The following PCCA variants were observed in gnomAD, a reference collection of about 807,000 sequenced individuals.
PCCA encodes propionyl-CoA carboxylase subunit alpha.
PCCA carries 74 observed loss-of-function variants against 101.3 expected under a neutral mutation model. The observed-to-expected ratio is 0.73, with a 90% CI of 0.61 to 0.89. The LOEUF (loss-of-function observed/expected upper bound fraction) is 0.89. Among genes scored for constraint, PCCA ranks in the 40% least tolerant of loss-of-function variants. The pLI is 0.00. For missense variants in PCCA, 891 were observed against 907.0 expected (o/e 0.98, Z 0.23); for synonymous variants, 294 against 313.6 (o/e 0.94, Z 0.66).
At position 100,146,857 on chromosome 13, in the gene PCCA, A is replaced by C. The variant is rs148152257; in HGVS notation, c.301-8122A>C. The stretch of plus-strand genomic sequence containing the variant: ...TTTTCTTATAGAAATATACATATGT[A>C]TGCAGATTGGCATGTTTAGGGAAGC... On this transcript the variant is annotated intron_variant, in intron 4 of 23. Coordinates refer to ENST00000376285, the MANE Select transcript of PCCA (RefSeq NM_000282.4). Among the ~76,000 whole-genome samples the C allele has an allele frequency of 3.3e-3, 466 of 140,234 alleles. 17 individuals carry two copies. The highest frequency in any genetic ancestry group is 0.015 in the African/African-American group (445 of 30,096). 92.0% of individuals were successfully genotyped at this position (140,234 alleles called of 152,430 possible). A position where few individuals can be genotyped will look rare whatever the true frequency, so the allele number is the denominator to read the frequency against.
At chr13:100,299,212 C>G (rs1442789656) in intron 12 of PCCA, among the ~76,000 whole-genome samples, 1 of 152,066 alleles carries the variant, frequency 6.6e-6, no homozygotes, top group Admixed American at 6.5e-5. Flanking sequence ...AATGTTATGG[C>G]TCTGTTATAT....
intron 22 of PCCA, among the ~76,000 whole-genome samples, chr13:100,517,248 G>A (rs1380362921): frequency 6.6e-6 from 1 of 152,246 alleles, no homozygotes. Context: ...CCTCAAGGAG[G>A]TTGCTCAGAG....
chr13:100,272,676 C>G lies in PCCA; in HGVS notation c.915-520C>G, dbSNP rs537910979. 1.5e-3 allele frequency among the ~76,000 whole-genome samples: 228 copies of G among 152,264 alleles called. 1 individual carries two copies. Among genetic ancestry groups the G allele is most frequent in the Non-Finnish European group, 2.7e-3 (187 of 68,016 alleles). ...AAGGGAGAGCATCACCTTGTTCAGC[C>G]TTAGCATACTGGAGTCTCAAATTTT... On this transcript the variant is annotated intron_variant, in intron 11 of 23. Transcript: ENST00000376285.
chr13:100,423,186 C>T (rs2078938639), intron 19 of PCCA, among the ~76,000 whole-genome samples: 1 of 152,006 alleles, frequency 6.6e-6, no homozygotes, highest in Admixed American at 6.6e-5. Flanking sequence ...GCTGGTTCTT[C>T]GTGTCGGAGT....
intron 4 of PCCA, among the ~76,000 whole-genome samples, chr13:100,138,591 A>T (rs1365272244): frequency 6.6e-6 from 1 of 152,118 alleles, no homozygotes; most frequent in East Asian, 1.9e-4. Flanking sequence ...TTCCTTAAGC[A>T]GTTTTAGAGC....
intron 6 of PCCA, among the ~76,000 whole-genome samples, chr13:100,160,274 G>C (rs1158585954): frequency 6.6e-6 from 1 of 152,072 alleles, no homozygotes; most frequent in Non-Finnish European, 1.5e-5. Flanking sequence ...AGGCTGAGGT[G>C]GGCAGATCAC....
intron 8 of PCCA, among the ~76,000 whole-genome samples, chr13:100,248,232 T>A (rs903894400): frequency 2.0e-5 from 3 of 152,160 alleles, no homozygotes; most frequent in Non-Finnish European, 4.4e-5. Context: ...TATAATCTAC[T>A]TTTTGGGGGT....
chr13:100,429,631 C>T (rs1324585386), intron 20 of PCCA, among the ~76,000 whole-genome samples: 3 of 151,828 alleles, frequency 2.0e-5, no homozygotes, highest in Non-Finnish European at 2.9e-5. Context: ...TTTTGAGACA[C>T]AGCCTCCCTC....
chr13:100,192,933 T>A (rs1051926521), intron 6 of PCCA, among the ~76,000 whole-genome samples: 2 of 152,158 alleles, frequency 1.3e-5, no homozygotes, highest in African/African-American at 4.8e-5. Context: ...TTGGTACATG[T>A]GTTGTTGTTT....
intron 6 of PCCA, among the ~76,000 whole-genome samples, chr13:100,189,709 T>C (rs549075516): frequency 1.8e-4 from 28 of 152,330 alleles, no homozygotes; most frequent in Non-Finnish European, 4.0e-4. Context: ...TAAAAAAATA[T>C]ATGTTGCCCA....
chr13:100,092,627 C>G (rs1194620715), intron 1 of PCCA, among the ~76,000 whole-genome samples: 1 of 152,168 alleles, frequency 6.6e-6, no homozygotes, highest in Non-Finnish European at 1.5e-5. Flanking sequence ...CTCCTGAACT[C>G]AAGCAATCCA....
intron 20 of PCCA, among the ~76,000 whole-genome samples, chr13:100,441,834 A>T (rs141635625): frequency 6.6e-6 from 1 of 152,162 alleles, no homozygotes; most frequent in African/African-American, 2.4e-5. Context: ...GGCATTGAAT[A>T]CTTTGTTTTT....
At chr13:100,281,252 G>A (rs1279131382) in intron 12 of PCCA, among the ~76,000 whole-genome samples, 2 of 152,204 alleles carry the variant, frequency 1.3e-5, no homozygotes, top group African/African-American at 4.8e-5. Context: ...AAGCTCTGCG[G>A]TAAGGATGAA....
At chr13:100,488,291 C>T (rs960045783) in intron 21 of PCCA, among the ~76,000 whole-genome samples, 4 of 152,082 alleles carry the variant, frequency 2.6e-5, no homozygotes, top group African/African-American at 7.2e-5. Flanking sequence ...CAGGGTTTCT[C>T]CATGTTGGTT....
intron 6 of PCCA, among the ~76,000 whole-genome samples, chr13:100,194,566 T>C (rs942058416): frequency 3.9e-5 from 6 of 151,996 alleles, no homozygotes; most frequent in Admixed American, 6.6e-5. Flanking sequence ...TACAGGCGTG[T>C]GCCACCACAC....
At position 100,527,939 on chromosome 13, in the gene PCCA, C is replaced by T. The variant is rs114155597; in HGVS notation, c.2118+187C>T. Among the ~76,000 whole-genome samples the T allele has an allele frequency of 5.5e-3, 834 of 152,288 alleles. 11 individuals carry two copies. Among genetic ancestry groups the T allele is most frequent in the African/African-American group, 0.018 (763 of 41,558 alleles). On this transcript the variant is annotated intron_variant, in intron 23 of 23. Coordinates refer to ENST00000376285, the MANE Select transcript of PCCA (RefSeq NM_000282.4). ...TGATGCATCCCTGCCTCGTAGAGAG[C>T]GTGGCTTCCAAAAAGTCTGTGCTTT... is the stretch of plus-strand genomic sequence containing the variant.
At chr13:100,333,865 T>C (rs1290691924) in intron 17 of PCCA, among the ~76,000 whole-genome samples, 1 of 152,212 alleles carries the variant, frequency 6.6e-6, no homozygotes, top group Non-Finnish European at 1.5e-5. Flanking sequence ...ATCTACACTT[T>C]AAAAAATACT....
chr13:100,354,716 A>G (rs1397446941), intron 18 of PCCA, among the ~76,000 whole-genome samples: 1 of 152,198 alleles, frequency 6.6e-6, no homozygotes, highest in Non-Finnish European at 1.5e-5. Flanking sequence ...ATTGTGAACA[A>G]TTGTTTACCA....
chr13:100,458,303 AC>A, intron 21 of PCCA, among the ~76,000 whole-genome samples: 1 of 46,186 alleles, frequency 2.2e-5, no homozygotes. Context: ...CTACACACAC[AC>A]ACACACACAC....
Sources: allele counts gnomAD v4.1 joint callset (sites outside exome capture counted in the v4.1 genomes callset), GRCh38; gene constraint gnomAD v4.1.1; transcripts MANE v1.5; gene names NCBI Gene and HGNC (gene_info 2026-07-23, HGNC 2026-07-21).